COL6A5: variants seen among roughly 807,000 people sequenced by gnomAD.
COL6A5 encodes collagen type VI alpha 5 chain.
A neutral mutation model predicts 65.6 loss-of-function variants in COL6A5; 48 were observed. The observed-to-expected ratio is 0.73, with a 90% CI of 0.58 to 0.93. The LOEUF (loss-of-function observed/expected upper bound fraction) is 0.93. Among genes scored for constraint, COL6A5 ranks in the 40% least tolerant of loss-of-function variants. The pLI, the probability that COL6A5 is intolerant of heterozygous loss-of-function variation, is 0.00. For missense variants in COL6A5, 914 were observed against 928.3 expected (o/e 0.98, Z 0.20); for synonymous variants, 291 against 322.8 (o/e 0.90, Z 1.05).
At chr3:130,376,581 T>G in exon 3 of COL6A5, 5 of 1,607,058 alleles carry the variant, frequency 3.1e-6, no homozygotes, top group Non-Finnish European at 4.3e-6. Flanking sequence ...TCCCCCAATT[T>G]TGGTGGTCCT....
intron 4 of COL6A5, among the ~76,000 whole-genome samples, chr3:130,451,941 C>T (rs1483550975): frequency 1.3e-5 from 2 of 152,094 alleles, no homozygotes; most frequent in Non-Finnish European, 2.9e-5. Context: ...AATATAATTC[C>T]CTGTGGAGAC....
At chr3:130,415,833 G>A (rs1165201433) in intron 23 of COL6A5, 126 bp downstream of exon 23, 2 of 760,988 alleles carry the variant, frequency 2.6e-6, no homozygotes, top group African/African-American at 1.8e-5. Flanking sequence ...TGGATTATCT[G>A]GGGCAAAATT....
intron 1 of COL6A5, among the ~76,000 whole-genome samples, chr3:130,352,575 A>G (rs982511586): frequency 1.9e-4 from 29 of 152,162 alleles, no homozygotes; most frequent in Non-Finnish European, 3.8e-4. Context: ...ATTTATTATC[A>G]CTTCATTCAT....
At chr3:130,440,372 A>T (rs751931396) in exon 3 of COL6A5, 1 of 1,613,528 alleles carries the variant, frequency 6.2e-7, no homozygotes, top group Non-Finnish European at 8.5e-7. Flanking sequence ...TGCTTTGTTG[A>T]GCTATTCTCC....
intron 17 of COL6A5, 140 bp downstream of exon 17, chr3:130,406,461 T>A: frequency 1.5e-6 from 1 of 669,268 alleles, no homozygotes; most frequent in South Asian, 1.9e-5. Flanking sequence ...CTACTGAATG[T>A]ATGCTGCATA....
In COL6A5 at chr3:130,455,225, G is replaced by A. The variant is rs142809911; in HGVS notation, c.1333-230G>A. On this transcript the variant is annotated intron_variant, in intron 4 of 7. Coordinates refer to ENST00000512836, the Ensembl canonical transcript of COL6A5. Reference sequence around the variant, plus strand: ...GTTATTCCAAAGTAGTACTTAATAGGCTCTAGACAGTTGTGAGAAAAGGTA... The same window carrying A: ...GTTATTCCAAAGTAGTACTTAATAGACTCTAGACAGTTGTGAGAAAAGGTA... Among the ~76,000 whole-genome samples the A allele has an allele frequency of 6.6e-4, 100 of 151,788 alleles. No individual in the cohort carries two copies. The East Asian group carries it at 0.018, about 27-fold the overall frequency.
chr3:130,459,899 C>T (rs1709666049), intron 5 of COL6A5, among the ~76,000 whole-genome samples: 1 of 152,012 alleles, frequency 6.6e-6, no homozygotes, highest in African/African-American at 2.4e-5. Context: ...CTGCTTTTCA[C>T]ATGATATTAT....
chr3:130,371,928 A>G (rs962934804), intron 1 of COL6A5, among the ~76,000 whole-genome samples: 7 of 152,192 alleles, frequency 4.6e-5, no homozygotes, highest in African/African-American at 1.7e-4. Flanking sequence ...CAAGTCATAT[A>G]TCTGCTAAGC....
intron 4 of COL6A5, among the ~76,000 whole-genome samples, chr3:130,446,851 A>C (rs1709317674): frequency 6.6e-6 from 1 of 151,928 alleles, no homozygotes; most frequent in Admixed American, 6.6e-5. Context: ...GTTTAAGGAG[A>C]ATTTTTTGCC....
upstream of COL6A5, among the ~76,000 whole-genome samples, chr3:130,428,664 C>T (rs577105225): frequency 3.3e-5 from 5 of 152,208 alleles, no homozygotes; most frequent in South Asian, 2.1e-4. Flanking sequence ...GAAGTTAACA[C>T]GTGGAAGTAC....
At position 130,421,141 on chromosome 3, in the gene COL6A5, G is replaced by A; in HGVS notation, c.4951-12G>A. 2 of 1,549,998 alleles carry A rather than the reference G, an allele frequency of 1.3e-6. No homozygotes were observed. Among genetic ancestry groups the A allele is most frequent in the Non-Finnish European group, 1.7e-6 (2 of 1,145,852 alleles). ...CTTTGAGAAATTGAAAAAAACTGGT[G>A]TGTTTACACAGGGAGATTCTGGCAT... On this transcript the variant is annotated splice_polypyrimidine_tract_variant and intron_variant and NMD_transcript_variant, in intron 25 of 41. Coordinates refer to the COL6A5 transcript ENST00000312481.
intron 4 of COL6A5, among the ~76,000 whole-genome samples, chr3:130,381,724 C>T (rs1446828981): frequency 2.6e-5 from 4 of 152,004 alleles, no homozygotes. Flanking sequence ...AATTTGGCAG[C>T]ACACAACATG....
intron 7 of COL6A5, chr3:130,477,181 C>T (rs1710120732): frequency 1.1e-6 from 1 of 890,904 alleles, no homozygotes; most frequent in Non-Finnish European, 1.7e-6. Flanking sequence ...AGAAATAATA[C>T]AATCTATCTC....
rs769703190 is a variant in COL6A5, at chr3:130,391,493, C to T, written c.2731C>T (p.Arg911Cys). 6.1e-5 allele frequency: 94 copies of T among 1,551,536 alleles called. No individual in the cohort carries two copies. The highest frequency in any genetic ancestry group is 1.7e-4 in the Middle Eastern group (1 of 6,014). The change falls in exon 7 of 42, where the codon CGC (arginine) becomes TGC (cysteine). Residue 911 changes from arginine to cysteine, a missense_variant and NMD_transcript_variant. Arg to Cys is a radical substitution (Grantham distance 180). Coordinates refer to the COL6A5 transcript ENST00000312481. ...CCTGTTTACAGAGGAACATGGCAGCCGCATCAAGCAAAATGTGAAGCAGAT... is the reference window on the plus strand; with the variant it reads ...CCTGTTTACAGAGGAACATGGCAGCTGCATCAAGCAAAATGTGAAGCAGAT...
At chr3:130,480,882 A>T (rs1710220582) in intron 7 of COL6A5, among the ~76,000 whole-genome samples, 1 of 152,104 alleles carries the variant, frequency 6.6e-6, no homozygotes, top group Non-Finnish European at 1.5e-5. Context: ...CCAGTAAGGA[A>T]GGAAGCAAGA....
intron 1 of COL6A5, among the ~76,000 whole-genome samples, chr3:130,351,319 T>A (rs1486429234): frequency 6.6e-6 from 1 of 152,162 alleles, no homozygotes; most frequent in Non-Finnish European, 1.5e-5. Context: ...AAATGGGATC[T>A]AATTAAACTA....
At chr3:130,419,075 C>A (rs987414242) in intron 25 of COL6A5, 144 bp downstream of exon 25, 8 of 676,604 alleles carry the variant, frequency 1.2e-5, no homozygotes, top group Non-Finnish European at 2.1e-5. Context: ...ATTTCTCCCA[C>A]CCCCTAAAGC....
exon 8 of COL6A5, chr3:130,484,202 C>A: frequency 1.4e-6 from 1 of 696,680 alleles, no homozygotes; most frequent in African/African-American, 1.8e-5. Context: ...AATTTGTTCT[C>A]CATCTCAAAT....
intron 4 of COL6A5, among the ~76,000 whole-genome samples, chr3:130,447,832 C>CT (rs397789953): frequency 2.6e-4 from 2 of 7,678 alleles, no homozygotes; most frequent in Admixed American, 3.8e-3. Context: ...ACCCATATAA[C>CT]GGCATTGCCA....
Sources: gnomAD v4.1 joint callset for allele counts (sites outside exome capture counted in the v4.1 genomes callset) on GRCh38, gnomAD v4.1.1 for gene constraint, MANE v1.5 for transcripts, NCBI Gene and HGNC (gene_info 2026-07-23, HGNC 2026-07-21) for gene names.